The following QTMAN variants were observed in gnomAD, a reference collection of about 807,000 sequenced individuals.
QTMAN encodes tRNA-queuosine alpha-mannosyltransferase.
At chr2:144,206,765 T>C in the QTMAN span, among the ~76,000 whole-genome samples, 4 of 152,196 alleles carry the variant, frequency 2.6e-5, no homozygotes, top group African/African-American at 4.8e-5. Flanking sequence ...GGAAGCCATA[T>C]GCACAGAAGT....
the QTMAN span, among the ~76,000 whole-genome samples, chr2:144,300,535 A>G: frequency 2.6e-5 from 4 of 152,352 alleles, no homozygotes; most frequent in African/African-American, 9.6e-5. Flanking sequence ...CATTACCTGG[A>G]TAACTTACAA....
chr2:143,964,914 T>G, the QTMAN span, among the ~76,000 whole-genome samples: 1 of 152,176 alleles, frequency 6.6e-6, no homozygotes, highest in Admixed American at 6.5e-5. Flanking sequence ...TCCCACCATG[T>G]CTGCAGCATG....
chr2:143,998,397 T>C, the QTMAN span, among the ~76,000 whole-genome samples: 2 of 151,602 alleles, frequency 1.3e-5, no homozygotes, highest in African/African-American at 4.8e-5. Flanking sequence ...AATGCTGAAA[T>C]AGCTAATGAG....
At chr2:144,286,306 G>T in the QTMAN span, among the ~76,000 whole-genome samples, 1 of 152,182 alleles carries the variant, frequency 6.6e-6, no homozygotes, top group African/African-American at 2.4e-5. Flanking sequence ...TTTTGCAGCA[G>T]TTTGTCAAAT....
At chr2:143,977,189 T>C in the QTMAN span, among the ~76,000 whole-genome samples, 1 of 152,166 alleles carries the variant, frequency 6.6e-6, no homozygotes, top group South Asian at 2.1e-4. Context: ...GATGGTAAGA[T>C]GTTTTATTTT....
At chr2:144,307,408 G>A in the QTMAN span, among the ~76,000 whole-genome samples, 2 of 152,034 alleles carry the variant, frequency 1.3e-5, no homozygotes, top group Non-Finnish European at 2.9e-5. Context: ...TTAGAAACAA[G>A]GCAAGGATGT....
chr2:143,964,764 C>CA, the QTMAN span, among the ~76,000 whole-genome samples: 1 of 152,168 alleles, frequency 6.6e-6, no homozygotes, highest in African/African-American at 2.4e-5. Context: ...AGATACTAAC[C>CA]AGAAGCTTTC....
chr2:144,295,966 C>A, the QTMAN span, among the ~76,000 whole-genome samples: 1 of 152,014 alleles, frequency 6.6e-6, no homozygotes, highest in Non-Finnish European at 1.5e-5. Flanking sequence ...TTTAGCTACA[C>A]AATACACAAA....
the QTMAN span, among the ~76,000 whole-genome samples, chr2:144,217,083 T>C: frequency 6.6e-6 from 1 of 152,172 alleles, no homozygotes; most frequent in Admixed American, 6.6e-5. Context: ...TTCCACCTTC[T>C]TGAAATGGGC....
At chr2:144,136,123 G>C in the QTMAN span, among the ~76,000 whole-genome samples, 1 of 151,650 alleles carries the variant, frequency 6.6e-6, no homozygotes, top group African/African-American at 2.4e-5. Context: ...CCCAGGAGTT[G>C]GAAACCAGCC....
At chr2:143,996,173 C>T in the QTMAN span, among the ~76,000 whole-genome samples, 1 of 152,082 alleles carries the variant, frequency 6.6e-6, no homozygotes, top group African/African-American at 2.4e-5. Flanking sequence ...AGTCCTCTTC[C>T]ACATAGCTGT....
the QTMAN span, among the ~76,000 whole-genome samples, chr2:144,212,458 A>G: frequency 6.6e-6 from 1 of 152,134 alleles, no homozygotes; most frequent in Non-Finnish European, 1.5e-5. Context: ...GCAAAACTCC[A>G]TCTCAAAACA....
At chr2:143,950,466 A>G in the QTMAN span, among the ~76,000 whole-genome samples, 8 of 151,806 alleles carry the variant, frequency 5.3e-5, no homozygotes, top group East Asian at 1.5e-3. Context: ...AAATTTGCAG[A>G]GGTTTAAAAT....
the QTMAN span, among the ~76,000 whole-genome samples, chr2:144,066,530 C>T: frequency 6.6e-6 from 1 of 152,194 alleles, no homozygotes; most frequent in Non-Finnish European, 1.5e-5. Flanking sequence ...AATGACCAAG[C>T]ACTGGCCAGG....
At chr2:144,183,480 C>G in the QTMAN span, among the ~76,000 whole-genome samples, 3 of 152,014 alleles carry the variant, frequency 2.0e-5, no homozygotes, top group Non-Finnish European at 4.4e-5. Context: ...TAATAAAATA[C>G]AAGCTTTCTT....
chr2:143,970,766 G>C, the QTMAN span: 1 of 1,421,700 alleles, frequency 7.0e-7, no homozygotes, highest in Non-Finnish European at 1.0e-6. Context: ...ATGCTCCCTG[G>C]AAATAAACAC....
chr2:144,219,101 A>G, the QTMAN span, among the ~76,000 whole-genome samples: 4 of 152,052 alleles, frequency 2.6e-5, no homozygotes, highest in African/African-American at 9.7e-5. Context: ...TCAGTGAAAA[A>G]TCACTTTGCA....
At chr2:144,315,415 T>C in the QTMAN span, among the ~76,000 whole-genome samples, 2 of 152,278 alleles carry the variant, frequency 1.3e-5, no homozygotes, top group East Asian at 3.9e-4. Flanking sequence ...CCAGAACAAA[T>C]GGGAACAATC....
At chr2:144,329,125 C>G in the QTMAN span, among the ~76,000 whole-genome samples, 1 of 151,950 alleles carries the variant, frequency 6.6e-6, no homozygotes. Flanking sequence ...TTCCTGTAAT[C>G]CCAGCTACTC....
Sources: gnomAD v4.1 joint callset for allele counts (sites outside exome capture counted in the v4.1 genomes callset) on GRCh38, gnomAD v4.1.1 for gene constraint, MANE v1.5 for transcripts, NCBI Gene and HGNC (gene_info 2026-07-23, HGNC 2026-07-21) for gene names.